Variants in COL4A2 observed in about 807,000 individuals in gnomAD.
The protein encoded by COL4A2 is collagen type IV alpha 2 chain.
A neutral mutation model predicts 200.2 loss-of-function variants in COL4A2; 99 were observed. The observed-to-expected ratio is 0.49, with a 90% confidence interval of 0.42 to 0.58. COL4A2 has a LOEUF of 0.58. COL4A2 is among the 20% of genes least tolerant of loss of function. COL4A2 has a pLI of 0.00. For synonymous variants in COL4A2, 897 were observed against 900.6 expected, an observed-to-expected ratio of 1.00 and a Z score of 0.07; for missense variants, 1,950 against 2,314.1, an observed-to-expected ratio of 0.84 and a Z score of 3.23.
chr13:110,425,948 C>CA (rs563839570), intron 6 of COL4A2, among the ~76,000 whole-genome samples: 164 of 152,272 alleles, frequency 1.1e-3, no homozygotes, highest in Non-Finnish European at 1.9e-4. Flanking sequence ...TAAAGGAAGT[C>CA]ACATTTGCCA....
chr13:110,380,587 G>A (rs747995503), intron 4 of COL4A2, among the ~76,000 whole-genome samples: 12 of 152,036 alleles, frequency 7.9e-5, no homozygotes, highest in African/African-American at 2.4e-4. Context: ...ATCAATATTC[G>A]GGCAAGAGGG....
chr13:110,308,390 G>C (rs1266780648), intron 3 of COL4A2, among the ~76,000 whole-genome samples: 1 of 152,182 alleles, frequency 6.6e-6, no homozygotes, highest in Non-Finnish European at 1.5e-5. Flanking sequence ...TGTAGCCTGA[G>C]GCACCGTTTT....
Position 110,457,203 on chromosome 13 carries a change from G to A in COL4A2, c.1340-140G>A, listed in dbSNP as rs553243089. On this transcript the variant is annotated intron_variant, in intron 20 of 47. Transcript: ENST00000360467. ...CGTGGGGCTGATGCCCTGCGTCTGCGTGGGACCCCAGGCGTCCGTGGGGCT... is the reference window on the plus strand; with the variant it reads ...CGTGGGGCTGATGCCCTGCGTCTGCATGGGACCCCAGGCGTCCGTGGGGCT... The A allele has an allele frequency of 7.4e-4, 297 of 400,002 alleles. 8 individuals carry two copies. In the East Asian group the frequency reaches 9.4e-3, roughly 13 times the overall value. The allele number at this position is 400,002 out of a possible 1,614,324, so 24.8% of individuals were successfully genotyped here.
chr13:110,428,705 C>T (rs760764668), intron 7 of COL4A2, 122 bp downstream of exon 7: 2 of 482,458 alleles, frequency 4.1e-6, no homozygotes, highest in Non-Finnish European at 7.2e-6. Context: ...TGTATGTTGA[C>T]GCCCAAGACA....
intron 3 of COL4A2, among the ~76,000 whole-genome samples, chr13:110,341,851 A>G (rs751216465): frequency 6.6e-6 from 1 of 152,244 alleles, no homozygotes; most frequent in Non-Finnish European, 1.5e-5. Context: ...AAAAGCGGAT[A>G]TGAAAGAAGG....
chr13:110,424,862 C>T lies in COL4A2; in HGVS notation c.309C>T (p.Gly103=), dbSNP rs201777404. ...RGAPGVTGPK[G]DVGARGVSGF... is the part of the protein sequence containing the mutation. Reference sequence around the variant, plus strand: ...CCCCCGGAGTAACGGGACCCAAGGGCGACGTGGTACGCACCGCTGGTGTAT... The same window carrying T: ...CCCCCGGAGTAACGGGACCCAAGGGTGACGTGGTACGCACCGCTGGTGTAT... The change falls in exon 5 of 48, where the codon GGC becomes GGT. Residue 103 remains glycine (G), a synonymous_variant. Transcript: ENST00000360467. 7 of 1,614,086 alleles carry T rather than the reference C, an allele frequency of 4.3e-6. No individual in the cohort carries two copies. The highest frequency in any genetic ancestry group is 2.2e-5 in the East Asian group (1 of 44,874).
At chr13:110,318,402 T>C (rs1885196991) in intron 3 of COL4A2, among the ~76,000 whole-genome samples, 1 of 152,224 alleles carries the variant, frequency 6.6e-6, no homozygotes, top group Non-Finnish European at 1.5e-5. Flanking sequence ...GAAAGCAACC[T>C]GCAGACGTTC....
intron 37 of COL4A2, among the ~76,000 whole-genome samples, chr13:110,491,828 A>G (rs1883295226): frequency 6.6e-6 from 1 of 152,194 alleles, no homozygotes; most frequent in South Asian, 2.1e-4. Flanking sequence ...TAGGGCGACA[A>G]TTAAAACTAC....
At chr13:110,461,228 T>C (rs1704424050) in intron 22 of COL4A2, among the ~76,000 whole-genome samples, 1 of 152,264 alleles carries the variant, frequency 6.6e-6, no homozygotes, top group Non-Finnish European at 1.5e-5. Flanking sequence ...TTGTTCTCAA[T>C]ATTATCACAA....
At chr13:110,503,630 A>G in intron 43 of COL4A2, 149 bp downstream of exon 43, 1 of 716,036 alleles carries the variant, frequency 1.4e-6, no homozygotes, top group Non-Finnish European at 2.3e-6. Context: ...TGTGCCTCGG[A>G]TGTTGTCACA....
Position 110,503,249 on chromosome 13 carries a change from A to C in COL4A2, c.4006A>C (p.Arg1336=). Residue 1336 remains arginine, a synonymous_variant, in exon 42 of 48, where the codon AGG becomes CGG. Transcript: ENST00000360467. ...GWAGDSGPQG[R]PGVFGLPGEK... is the part of the protein sequence containing the mutation. ...GGCCGGGGACTCCGGGCCCCAGGGC[A>C]GGCCTGGTGTGTTTGGTCTCCCAGG... 6.2e-7 allele frequency: 1 copy of C among 1,609,320 alleles called. No individual in the cohort carries two copies. Among genetic ancestry groups the C allele is most frequent in the Non-Finnish European group, 8.5e-7 (1 of 1,178,458 alleles).
intron 38 of COL4A2, 90 bp downstream of exon 38, chr13:110,492,267 G>T: frequency 8.9e-7 from 1 of 1,129,300 alleles, no homozygotes; most frequent in Non-Finnish European, 1.3e-6. Flanking sequence ...CTCTCAGGGC[G>T]ACTTCTAAGG....
intron 7 of COL4A2, among the ~76,000 whole-genome samples, chr13:110,428,790 ATGT>A (rs1880566207): frequency 6.6e-6 from 1 of 152,198 alleles, no homozygotes; most frequent in Admixed American, 6.5e-5. Context: ...GTTGTGGTTG[ATGT>A]TGTTCACTCT....
intron 20 of COL4A2, among the ~76,000 whole-genome samples, chr13:110,450,849 C>G (rs1881516893): frequency 6.6e-6 from 1 of 152,224 alleles, no homozygotes; most frequent in African/African-American, 2.4e-5. Context: ...TGAGGGCTCA[C>G]CCTTGACTGG....
At chr13:110,458,999 T>G in intron 22 of COL4A2, 65 bp downstream of exon 22, 1 of 1,422,724 alleles carries the variant, frequency 7.0e-7, no homozygotes, top group Non-Finnish European at 9.3e-7. Context: ...GTCCCGTTCT[T>G]GCCTTTTATC....
At chr13:110,505,096 A>G (rs1045889304) in intron 45 of COL4A2, among the ~76,000 whole-genome samples, 3 of 151,286 alleles carry the variant, frequency 2.0e-5, no homozygotes, top group African/African-American at 4.9e-5. Flanking sequence ...CACGCCTGTA[A>G]TCCCAGCACT....
rs768767837 is a variant in COL4A2 at position 110,473,165 on chromosome 13, G to A, written c.2425+15G>A. 1.4e-5 allele frequency: 22 copies of A among 1,548,198 alleles called. No individual in the cohort carries two copies. The highest frequency in any genetic ancestry group is 2.0e-4 in the Middle Eastern group (1 of 4,910). On this transcript the variant is annotated intron_variant, in intron 29 of 47. Coordinates refer to ENST00000360467, the MANE Select transcript of COL4A2 (RefSeq NM_001846.4). ...TGGATTCAGAGGTGAGTGCCCCATC[G>A]GGGAGCCGGGGGCCCCATCCCAGAT...
At chr13:110,397,709 G>A (rs1879229837) in intron 4 of COL4A2, among the ~76,000 whole-genome samples, 1 of 152,210 alleles carries the variant, frequency 6.6e-6, no homozygotes, top group Non-Finnish European at 1.5e-5. Context: ...GCATGTGGAT[G>A]AATAGTCCTT....
rs186902596 is a variant in COL4A2, at chr13:110,450,227, G to A, written c.1190-78G>A. Reference sequence around the variant, plus strand: ...ATGAAGCCCGCTAGTGCCCCAGTGGGCCCCTCTGGACACGAACACAAAGGC... The same window carrying A: ...ATGAAGCCCGCTAGTGCCCCAGTGGACCCCTCTGGACACGAACACAAAGGC... On this transcript the variant is annotated intron_variant, in intron 19 of 47. Coordinates refer to ENST00000360467, the MANE Select transcript of COL4A2 (RefSeq NM_001846.4). 3.8e-6 allele frequency: 5 copies of A among 1,301,278 alleles called. No individual in the cohort carries two copies. In the Admixed American group the frequency reaches 7.6e-5, roughly 20 times the overall value. The allele number at this position is 1,301,278 out of a possible 1,614,324, so 80.6% of individuals were successfully genotyped here.
Sources: allele counts gnomAD v4.1 joint callset (sites outside exome capture counted in the v4.1 genomes callset), GRCh38; gene constraint gnomAD v4.1.1; transcripts MANE v1.5; gene names NCBI Gene and HGNC (gene_info 2026-07-23, HGNC 2026-07-21).